SLCO3A1: variants seen among roughly 807,000 people sequenced by gnomAD.
The protein encoded by SLCO3A1 is PGE1 transporter.
SLCO3A1 carries 27 observed loss-of-function variants against 63.1 expected under a neutral mutation model. The observed-to-expected ratio is 0.43, with a 90% CI of 0.32 to 0.59. The LOEUF (loss-of-function observed/expected upper bound fraction) is 0.59, where lower values mean the gene tolerates loss of function less well. SLCO3A1 is among the 20% of genes least tolerant of loss of function. The pLI, the probability that SLCO3A1 is intolerant of heterozygous loss-of-function variation, is 0.09. For synonymous variants in SLCO3A1, 473 were observed against 409.9 expected (o/e 1.15, Z -1.86); for missense variants, 773 against 945.8 (o/e 0.82, Z 2.40).
intron 2 of SLCO3A1, among the ~76,000 whole-genome samples, chr15:92,009,273 A>G (rs1036933016): frequency 6.6e-6 from 1 of 152,220 alleles, no homozygotes; most frequent in African/African-American, 2.4e-5. Context: ...AGCAAGAGCC[A>G]GTTCTGCTGG....
intron 1 of SLCO3A1, among the ~76,000 whole-genome samples, chr15:91,913,773 C>G (rs1262776883): frequency 6.6e-6 from 1 of 152,212 alleles, no homozygotes; most frequent in Non-Finnish European, 1.5e-5. Context: ...CCATATGACT[C>G]TCCTTTTTGA....
In SLCO3A1 at chr15:92,038,118, C is replaced by T. The variant is rs2046750758; in HGVS notation, c.647-56763C>T. On this transcript the variant is annotated intron_variant, in intron 2 of 9. Coordinates refer to ENST00000318445, the MANE Select transcript of SLCO3A1 (RefSeq NM_013272.4). ...GACATGTGTTCAGGTGTTTGTTTCT[C>T]TAAGGAAGCAGTAGAGAATGTGAAT... Among the ~76,000 whole-genome samples the T allele has an allele frequency of 3.9e-5, 6 of 152,280 alleles. No individual in the cohort carries two copies. In the South Asian group the frequency reaches 1.2e-3, roughly 32 times the overall value.
rs1674836129 is a variant in SLCO3A1, at chr15:91,916,505, C to T, written c.646+47C>T. 2.8e-6 allele frequency: 4 copies of T among 1,414,580 alleles called. No homozygotes were observed. In the South Asian group the frequency reaches 5.1e-5, roughly 18 times the overall value. 87.6% of individuals were successfully genotyped at this position (1,414,580 alleles called of 1,614,324 possible). On this transcript the variant is annotated intron_variant, in intron 2 of 9. Coordinates refer to ENST00000318445, the MANE Select transcript of SLCO3A1 (RefSeq NM_013272.4). This position sits in a 1 kb window ranked among gnomAD's most constrained non-coding sequence, Gnocchi z 6.2. ...TTAGCAAGAGACCAGGGTGTGTTGA[C>T]CATGGATAAAAGGTGGCCTGGTGGA...
chr15:91,948,958 C>T lies in SLCO3A1; in HGVS notation c.646+32500C>T, dbSNP rs1648503795. Among the ~76,000 whole-genome samples the T allele has an allele frequency of 6.6e-6, 1 of 151,896 alleles. No individual in the cohort carries two copies. On this transcript the variant is annotated intron_variant, in intron 2 of 9. Transcript: ENST00000318445. The surrounding 1 kb of genome is among the most constrained non-coding windows in gnomAD (Gnocchi z 4.8). ...TTTTTTTACTATTATTTCTGCTTAC[C>T]TCACCTTTTGGGGGAATCATTCCCT...
At chr15:91,988,289 C>T (rs969977729) in intron 2 of SLCO3A1, among the ~76,000 whole-genome samples, 9 of 151,540 alleles carry the variant, frequency 5.9e-5, no homozygotes, top group Admixed American at 3.9e-4. Flanking sequence ...TGCAGTGAGC[C>T]GTGATTGCAC....
chr15:91,901,141 C>T (rs1327205644), intron 1 of SLCO3A1, among the ~76,000 whole-genome samples: 1 of 151,902 alleles, frequency 6.6e-6, no homozygotes, highest in East Asian at 1.9e-4. Context: ...AATTCCTTTT[C>T]CTCATGTTTT....
chr15:92,079,113 A>G (rs889213433), intron 2 of SLCO3A1, among the ~76,000 whole-genome samples: 4 of 152,246 alleles, frequency 2.6e-5, no homozygotes, highest in African/African-American at 9.6e-5. Context: ...CCACCCGGCC[A>G]GTCCTAACCA....
At chr15:91,915,575 C>G (rs745583694) in intron 1 of SLCO3A1, among the ~76,000 whole-genome samples, 7 of 152,152 alleles carry the variant, frequency 4.6e-5, no homozygotes, top group Non-Finnish European at 1.0e-4. Flanking sequence ...CCTGGCTCCT[C>G]TGTCTTCCTG....
chr15:91,969,671 C>T (rs1428510211), intron 2 of SLCO3A1, among the ~76,000 whole-genome samples: 2 of 152,186 alleles, frequency 1.3e-5, no homozygotes, highest in African/African-American at 4.8e-5. Context: ...TACTTCATAA[C>T]ACTCATAAGA....
chr15:92,021,717 C>G (rs2046511510), intron 2 of SLCO3A1, among the ~76,000 whole-genome samples: 1 of 152,154 alleles, frequency 6.6e-6, no homozygotes, highest in Non-Finnish European at 1.5e-5. Flanking sequence ...ACAGCCCTAC[C>G]CTCAAGAAGC....
At chr15:91,902,261 A>C (rs4319747) in intron 1 of SLCO3A1, among the ~76,000 whole-genome samples, 45,465 of 151,756 alleles carry the variant, frequency 0.3, 7,878 homozygotes, top group East Asian at 0.7. Flanking sequence ...CAGTGACATG[A>C]TCATAGTTCA....
At chr15:92,118,324 G>C (rs2047820467) in intron 4 of SLCO3A1, among the ~76,000 whole-genome samples, 1 of 152,194 alleles carries the variant, frequency 6.6e-6, no homozygotes. Flanking sequence ...GGATTCGGTT[G>C]CTCAGGCTTT....
chr15:92,088,366 T>G (rs886702327), intron 2 of SLCO3A1, among the ~76,000 whole-genome samples: 2 of 152,222 alleles, frequency 1.3e-5, no homozygotes, highest in Non-Finnish European at 2.9e-5. Context: ...CACAAAAAAA[T>G]GTTTTGTGGT....
At chr15:91,909,070 A>AAAACC (rs1380546094) in intron 1 of SLCO3A1, among the ~76,000 whole-genome samples, 1 of 152,264 alleles carries the variant, frequency 6.6e-6, no homozygotes, top group Admixed American at 6.5e-5. Flanking sequence ...CAAACAAAAC[A>AAAACC]AAACAAAACA....
chr15:91,866,391 C>T lies in SLCO3A1; in HGVS notation c.180+12303C>T, dbSNP rs537164133. 2.1e-4 allele frequency among the ~76,000 whole-genome samples: 32 copies of T among 152,134 alleles called. No homozygotes were observed. In the South Asian group the frequency reaches 5.4e-3, roughly 26 times the overall value. ...TCTGTCTCCTTCCTGAAGCCCTATCCGATTCAGTGAGACCAAAAGAGACTT... is the reference window on the plus strand; with the variant it reads ...TCTGTCTCCTTCCTGAAGCCCTATCTGATTCAGTGAGACCAAAAGAGACTT... On this transcript the variant is annotated intron_variant, in intron 1 of 9. Coordinates refer to ENST00000318445, the MANE Select transcript of SLCO3A1 (RefSeq NM_013272.4).
At chr15:91,901,614 C>T (rs760584625) in intron 1 of SLCO3A1, among the ~76,000 whole-genome samples, 1 of 152,202 alleles carries the variant, frequency 6.6e-6, no homozygotes, top group Non-Finnish European at 1.5e-5. Flanking sequence ...AAAGCTTTGC[C>T]GGATGTAGAA....
At chr15:92,117,933 A>G (rs2047815574) in intron 4 of SLCO3A1, among the ~76,000 whole-genome samples, 6 of 152,232 alleles carry the variant, frequency 3.9e-5, no homozygotes, top group Admixed American at 3.3e-4. Context: ...CTTTAAACAT[A>G]ATGTGGATTT....
At chr15:92,061,909 A>T (rs1412233831) in intron 2 of SLCO3A1, among the ~76,000 whole-genome samples, 4 of 152,214 alleles carry the variant, frequency 2.6e-5, no homozygotes, top group Admixed American at 2.6e-4. Context: ...GCTCTGGGTG[A>T]TACAGGGCAA....
chr15:92,046,353 A>G (rs1364457404), intron 2 of SLCO3A1, among the ~76,000 whole-genome samples: 1 of 151,776 alleles, frequency 6.6e-6, no homozygotes, highest in Non-Finnish European at 1.5e-5. Context: ...TGTCTCTACT[A>G]AAAATACCAA....
Sources: allele counts gnomAD v4.1 joint callset (sites outside exome capture counted in the v4.1 genomes callset), GRCh38; gene constraint gnomAD v4.1.1; non-coding constraint Gnocchi (gnomAD v3.1); transcripts MANE v1.5; gene names NCBI Gene and HGNC (gene_info 2026-07-23, HGNC 2026-07-21).